Variants in SLC25A20 observed in about 807,000 individuals in gnomAD.
SLC25A20 encodes mitochondrial carnitine/acylcarnitine carrier protein.
SLC25A20 carries 29 observed loss-of-function variants against 39.7 expected under a neutral mutation model. The observed-to-expected ratio is 0.73, with a 90% CI of 0.54 to 1.00. The LOEUF (loss-of-function observed/expected upper bound fraction) is 1.00. Among genes scored for constraint, SLC25A20 ranks in the 50% least tolerant of loss-of-function variants. The pLI is 0.00. For synonymous variants in SLC25A20, 103 were observed against 142.2 expected, an observed-to-expected ratio of 0.72 and a Z score of 1.96; for missense variants, 333 against 379.9, an observed-to-expected ratio of 0.88 and a Z score of 1.03.
At chr3:48,886,844 A>T (rs2083832808) in intron 2 of SLC25A20, among the ~76,000 whole-genome samples, 1 of 152,164 alleles carries the variant, frequency 6.6e-6, no homozygotes, top group South Asian at 2.1e-4. Context: ...AAATACAAAA[A>T]AATTTTAAAG....
intron 2 of SLC25A20, among the ~76,000 whole-genome samples, chr3:48,886,131 T>C (rs1238439110): frequency 2.0e-5 from 3 of 152,108 alleles, no homozygotes; most frequent in East Asian, 1.9e-4. Flanking sequence ...TAAAATCATA[T>C]GGATGGGCAG....
chr3:48,885,581 G>A (rs774412613), intron 2 of SLC25A20, among the ~76,000 whole-genome samples: 1 of 152,152 alleles, frequency 6.6e-6, no homozygotes, highest in African/African-American at 2.4e-5. Flanking sequence ...CAAGGCAGGC[G>A]GATCACAAGG....
At chr3:48,882,268 C>T (rs1269951498) in intron 3 of SLC25A20, among the ~76,000 whole-genome samples, 2 of 152,210 alleles carry the variant, frequency 1.3e-5, no homozygotes, top group East Asian at 3.8e-4. Flanking sequence ...TACCCAAATC[C>T]AACTTCTTAA....
rs892036519 is a variant in SLC25A20, at chr3:48,865,866, C to T, written c.418-3207G>A. Among the ~76,000 whole-genome samples, 4 of 151,556 alleles carry T rather than the reference C, an allele frequency of 2.6e-5. No individual in the cohort carries two copies. In the East Asian group the frequency reaches 5.8e-4, roughly 22 times the overall value. On this transcript the variant is annotated intron_variant, in intron 4 of 8. Transcript: ENST00000319017. ...TAGTGACCAGCTGGGCATGGTGGCT[C>T]ACGCCTGTAATCCCAGCACTTTGGG...
intron 4 of SLC25A20, among the ~76,000 whole-genome samples, chr3:48,867,544 C>T (rs1246314207): frequency 2.6e-5 from 4 of 151,090 alleles, no homozygotes; most frequent in Non-Finnish European, 4.4e-5. Context: ...CGTGAGCCAC[C>T]GCACCCAGCC....
Position 48,857,482 on chromosome 3 carries a change from T to C in SLC25A20, c.*228A>G, listed in dbSNP as rs2083588692. The C allele has an allele frequency of 1.8e-6, 1 of 559,868 alleles. No homozygotes were observed. The highest frequency in any genetic ancestry group is 3.0e-5 in the Admixed American group (1 of 32,942). 34.7% of individuals were successfully genotyped at this position (559,868 alleles called of 1,614,324 possible). A position where few individuals can be genotyped will look rare whatever the true frequency, so the allele number is the denominator to read the frequency against. On this transcript the variant is annotated 3_prime_UTR_variant, in exon 9 of 9. Coordinates refer to ENST00000319017, the MANE Select transcript of SLC25A20 (RefSeq NM_000387.6). ...TACTTGTTCCATTTCCAAATCCTTT[T>C]AAGATCCCTTAAATTGATAAGAATG... is the stretch of plus-strand genomic sequence containing the variant.
chr3:48,869,374 A>G (rs943303942), intron 4 of SLC25A20, among the ~76,000 whole-genome samples: 1 of 152,148 alleles, frequency 6.6e-6, no homozygotes, highest in African/African-American at 2.4e-5. Context: ...TTGGCTGGGC[A>G]CGGTGGCTCA....
intron 4 of SLC25A20, among the ~76,000 whole-genome samples, chr3:48,878,659 G>C (rs542195137): frequency 6.6e-6 from 1 of 151,862 alleles, no homozygotes; most frequent in South Asian, 2.1e-4. Context: ...AATTAGCCTG[G>C]CATGGTGGCA....
chr3:48,858,437 A>G, intron 8 of SLC25A20, 70 bp downstream of exon 8: 1 of 1,609,872 alleles, frequency 6.2e-7, no homozygotes, highest in Non-Finnish European at 8.5e-7. Flanking sequence ...CCCAGGAACA[A>G]GCAAAAGTCA....
intron 1 of SLC25A20, among the ~76,000 whole-genome samples, chr3:48,897,359 ATATATATATT>A (rs2083917031): frequency 1.8e-5 from 2 of 109,348 alleles, no homozygotes; most frequent in African/African-American, 7.3e-5. Flanking sequence ...ATATATATAT[ATATATATATT>A]TTTTTTTTTT....
chr3:48,857,862 A>AC (rs2083592089), intron 8 of SLC25A20, 90 bp from the exon 9 acceptor site: 1 of 1,185,410 alleles, frequency 8.4e-7, no homozygotes, highest in East Asian at 2.4e-5. Flanking sequence ...CCCTGTCAGG[A>AC]CCAGAGCCCC....
At chr3:48,864,347 C>CAAAAAAAAAA (rs55843120) in intron 4 of SLC25A20, among the ~76,000 whole-genome samples, 7 of 48,088 alleles carry the variant, frequency 1.5e-4, no homozygotes, top group African/African-American at 2.6e-4. Context: ...GACTCTGTCT[C>CAAAAAAAAAA]AAAAAAAAAA....
chr3:48,858,970 G>A, intron 7 of SLC25A20, 122 bp downstream of exon 7: 1 of 788,064 alleles, frequency 1.3e-6, no homozygotes, highest in South Asian at 1.5e-5. Flanking sequence ...TATTGGTCAG[G>A]CAGATGCTAG....
chr3:48,866,103 C>T (rs961269558), intron 4 of SLC25A20, among the ~76,000 whole-genome samples: 11 of 151,100 alleles, frequency 7.3e-5, no homozygotes, highest in Admixed American at 2.6e-4. Flanking sequence ...CACTGCACTC[C>T]AGCCTGGCGA....
intron 1 of SLC25A20, among the ~76,000 whole-genome samples, chr3:48,897,672 G>C (rs2083920115): frequency 2.0e-5 from 3 of 152,034 alleles, no homozygotes; most frequent in Admixed American, 2.0e-4. Context: ...AGGCAGCAAA[G>C]AGCTTGCTGC....
intron 4 of SLC25A20, among the ~76,000 whole-genome samples, chr3:48,867,639 T>A: frequency 6.7e-6 from 1 of 150,142 alleles, no homozygotes. Flanking sequence ...GAGCAAAAAC[T>A]GATGTCAGTG....
chr3:48,860,946 G>A (rs1234945377), intron 5 of SLC25A20, among the ~76,000 whole-genome samples: 2 of 149,274 alleles, frequency 1.3e-5, no homozygotes, highest in Non-Finnish European at 1.5e-5. Context: ...CAATTCTCCT[G>A]CCTCAGCCTC....
At chr3:48,860,165 G>A (rs1020117284) in intron 5 of SLC25A20, among the ~76,000 whole-genome samples, 1 of 151,928 alleles carries the variant, frequency 6.6e-6, no homozygotes, top group African/African-American at 2.4e-5. Flanking sequence ...GCCAGGCGTG[G>A]TGGCGGGCAC....
At chr3:48,867,749 CAG>C (rs1412431730) in intron 4 of SLC25A20, among the ~76,000 whole-genome samples, 1 of 151,332 alleles carries the variant, frequency 6.6e-6, no homozygotes, top group East Asian at 2.0e-4. Context: ...AGCGGAAGCA[CAG>C]GCCATCCTTG....
Sources: gnomAD v4.1 joint callset for allele counts (sites outside exome capture counted in the v4.1 genomes callset) on GRCh38, gnomAD v4.1.1 for gene constraint, MANE v1.5 for transcripts, NCBI Gene and HGNC (gene_info 2026-07-23, HGNC 2026-07-21) for gene names.